Variants in CSMD1 observed in about 807,000 individuals in gnomAD.
CSMD1 encodes the protein CUB and Sushi multiple domains 1.
In CSMD1, 213 loss-of-function variants were observed where a neutral mutation model predicts 417.5. The ratio of observed to expected loss-of-function variants is 0.51; its 90% CI spans 0.46 to 0.57. CSMD1 has a LOEUF of 0.57. Among genes scored for constraint, CSMD1 ranks in the 20% least tolerant of loss-of-function variants. The pLI, the probability that CSMD1 is intolerant of heterozygous loss-of-function variation, is 0.00. For synonymous variants in CSMD1, 2,862 were observed against 1,736.8 expected, an observed-to-expected ratio of 1.65 and a Z score of -16.11; for missense variants, 6,923 against 4,529.7, an observed-to-expected ratio of 1.53 and a Z score of -15.17.
At chr8:3,516,069 G>T (rs190985454) in intron 10 of CSMD1, among the ~76,000 whole-genome samples, 1 of 152,012 alleles carries the variant, frequency 6.6e-6, no homozygotes, top group East Asian at 1.9e-4. Flanking sequence ...GTAGAACTGG[G>T]AAACTGGAGC....
chr8:4,672,985 C>A (rs1309020417), intron 1 of CSMD1, among the ~76,000 whole-genome samples: 3 of 151,720 alleles, frequency 2.0e-5, no homozygotes, highest in Non-Finnish European at 4.4e-5. Context: ...TCCATAGTGG[C>A]ATACACATAT....
chr8:4,274,845 A>C (rs1016396312), intron 3 of CSMD1, among the ~76,000 whole-genome samples: 2 of 152,078 alleles, frequency 1.3e-5, no homozygotes, highest in African/African-American at 4.8e-5. Context: ...AAACTATTGT[A>C]CTGCTTTTAT....
At chr8:4,725,432 T>A (rs926405577) in intron 1 of CSMD1, among the ~76,000 whole-genome samples, 2 of 152,192 alleles carry the variant, frequency 1.3e-5, no homozygotes, top group Non-Finnish European at 2.9e-5. Context: ...TTATGGTTGT[T>A]GTTCTCCATT....
chr8:4,832,089 C>A (rs1800188996), intron 1 of CSMD1, among the ~76,000 whole-genome samples: 1 of 152,196 alleles, frequency 6.6e-6, no homozygotes, highest in African/African-American at 2.4e-5. Context: ...CTACCCTTCT[C>A]TTCGGGAACC....
chr8:4,664,654 A>T (rs183199571), intron 1 of CSMD1, among the ~76,000 whole-genome samples: 1 of 152,212 alleles, frequency 6.6e-6, no homozygotes, highest in East Asian at 1.9e-4. Context: ...CGTCAAATTC[A>T]CATGTGCTTA....
intron 7 of CSMD1, among the ~76,000 whole-genome samples, chr8:3,674,525 T>C (rs756289149): frequency 3.9e-5 from 6 of 152,130 alleles, no homozygotes; most frequent in Non-Finnish European, 8.8e-5. Flanking sequence ...CATTAGATAA[T>C]TTAACAATAT....
chr8:3,756,371 T>C (rs2129054623), intron 5 of CSMD1, among the ~76,000 whole-genome samples: 1 of 151,220 alleles, frequency 6.6e-6, no homozygotes, highest in Non-Finnish European at 1.5e-5. Context: ...AAAAAAATCA[T>C]TAGTTTCTTT....
chr8:3,385,728 C>A (rs947790303), intron 18 of CSMD1, among the ~76,000 whole-genome samples: 1 of 152,008 alleles, frequency 6.6e-6, no homozygotes, highest in Non-Finnish European at 1.5e-5. Context: ...TTAGAGTTTA[C>A]TTAAAGTTTA....
rs1312905183 is a variant in CSMD1 at position 2,937,429 on chromosome 8, G to C, written c.*1156C>G. 1 of 87,698 alleles carries C rather than the reference G, an allele frequency of 1.1e-5. No homozygotes were observed. 5.4% of individuals were successfully genotyped at this position (87,698 alleles called of 1,614,324 possible). Reference sequence around the variant, plus strand: ...TGCAATATCAAAGATCGATGGCACAGTAAAAGACAAAAAAAAAAAAAAACA... The same window carrying C: ...TGCAATATCAAAGATCGATGGCACACTAAAAGACAAAAAAAAAAAAAAACA... On this transcript the variant is annotated 3_prime_UTR_variant, in exon 70 of 70. Transcript: ENST00000635120.
chr8:3,606,906 T>C lies in CSMD1; in HGVS notation c.1097+9804A>G, dbSNP rs191621570. Among the ~76,000 whole-genome samples the C allele has an allele frequency of 5.3e-5, 8 of 152,042 alleles. No individual in the cohort carries two copies. The East Asian group carries it at 1.4e-3, about 26-fold the overall frequency. On this transcript the variant is annotated intron_variant, in intron 8 of 69. Coordinates refer to ENST00000635120, the MANE Select transcript of CSMD1 (RefSeq NM_033225.6). ...TTTTGTATTTTTGTAGAGACAGGGTTTCACCATGTTGGCCAGGATGGTCTC... is the reference window on the plus strand; with the variant it reads ...TTTTGTATTTTTGTAGAGACAGGGTCTCACCATGTTGGCCAGGATGGTCTC...
intron 25 of CSMD1, among the ~76,000 whole-genome samples, chr8:3,289,895 C>T (rs573717893): frequency 6.8e-6 from 1 of 147,548 alleles, no homozygotes; most frequent in Non-Finnish European, 1.5e-5. Flanking sequence ...ACATGAAGTC[C>T]TTACCCATGC....
chr8:4,495,070 G>C (rs12676659), intron 2 of CSMD1, among the ~76,000 whole-genome samples: 4 of 152,008 alleles, frequency 2.6e-5, no homozygotes, highest in African/African-American at 9.7e-5. Context: ...AGGGAGACAA[G>C]GAAAGAAACC....
At chr8:3,035,736 T>A (rs892642740) in intron 50 of CSMD1, among the ~76,000 whole-genome samples, 5 of 151,872 alleles carry the variant, frequency 3.3e-5, no homozygotes, top group Admixed American at 3.3e-4. Flanking sequence ...AGTGAATAAA[T>A]TGCCAGGTCA....
chr8:4,790,804 C>T (rs1797646618), intron 1 of CSMD1, among the ~76,000 whole-genome samples: 1 of 152,154 alleles, frequency 6.6e-6, no homozygotes, highest in South Asian at 2.1e-4. Context: ...AACTAAATTC[C>T]TACCTTTCAC....
intron 1 of CSMD1, among the ~76,000 whole-genome samples, chr8:4,705,662 T>C (rs1807887804): frequency 6.6e-6 from 1 of 152,246 alleles, no homozygotes; most frequent in Non-Finnish European, 1.5e-5. Flanking sequence ...CCGGCCCTTG[T>C]ATCTCGTGTC....
At chr8:3,635,265 G>A (rs1225005027) in intron 7 of CSMD1, among the ~76,000 whole-genome samples, 1 of 151,936 alleles carries the variant, frequency 6.6e-6, no homozygotes, top group Non-Finnish European at 1.5e-5. Context: ...CATGAGGTCA[G>A]GTGTTCAAGA....
At chr8:4,867,533 G>T (rs1802487487) in intron 1 of CSMD1, among the ~76,000 whole-genome samples, 1 of 151,974 alleles carries the variant, frequency 6.6e-6, no homozygotes, top group African/African-American at 2.4e-5. Flanking sequence ...TTTTACCTTT[G>T]AGTAAGCAAA....
intron 5 of CSMD1, among the ~76,000 whole-genome samples, chr8:3,889,187 G>C (rs928477538): frequency 2.6e-5 from 4 of 151,352 alleles, no homozygotes; most frequent in African/African-American, 7.3e-5. Context: ...TGCAAGATTC[G>C]AACAAGACTA....
chr8:3,655,358 A>T (rs1798047785), intron 7 of CSMD1, among the ~76,000 whole-genome samples: 1 of 152,230 alleles, frequency 6.6e-6, no homozygotes, highest in Non-Finnish European at 1.5e-5. Context: ...CCTACAGCGA[A>T]TTTGGCAGTG....
Sources: allele counts gnomAD v4.1 joint callset (sites outside exome capture counted in the v4.1 genomes callset), GRCh38; gene constraint gnomAD v4.1.1; transcripts MANE v1.5; gene names NCBI Gene and HGNC (gene_info 2026-07-23, HGNC 2026-07-21).